Variants in FAM120B observed in about 807,000 individuals in gnomAD.
FAM120B encodes family with sequence similarity 120 member B.
Under a neutral mutation model 96.3 loss-of-function variants are expected in FAM120B, and 83 were observed. That is an observed-to-expected ratio of 0.86 (90% CI 0.72 to 1.03). The LOEUF is 1.03. FAM120B is among the 50% of genes least tolerant of loss of function. FAM120B has a pLI of 0.00. For synonymous variants in FAM120B, 407 were observed against 402.7 expected, an observed-to-expected ratio of 1.01 and a Z score of -0.13; for missense variants, 1,027 against 1,121.2, an observed-to-expected ratio of 0.92 and a Z score of 1.20.
At chr6:170,325,981 G>A (rs551591165) in intron 3 of FAM120B, among the ~76,000 whole-genome samples, 55 of 151,892 alleles carry the variant, frequency 3.6e-4, no homozygotes, top group African/African-American at 1.2e-3. Flanking sequence ...TATGTTACTA[G>A]CAATGTAAAA....
chr6:170,323,418 G>A (rs1008081531), intron 3 of FAM120B, among the ~76,000 whole-genome samples, 159 bp downstream of exon 3: 1 of 152,198 alleles, frequency 6.6e-6, no homozygotes, highest in African/African-American at 2.4e-5. Context: ...ACTGACATCT[G>A]TAAAAAATTA....
At chr6:170,328,258 CTTTTAATTT>C (rs2115056915) in intron 3 of FAM120B, among the ~76,000 whole-genome samples, 1 of 152,190 alleles carries the variant, frequency 6.6e-6, no homozygotes, top group African/African-American at 2.4e-5. Flanking sequence ...ACTTTAGAAA[CTTTTAATTT>C]TTTTAAACTT....
At chr6:170,294,190 C>T (rs927010369), upstream of FAM120B, among the ~76,000 whole-genome samples, 5 of 152,264 alleles carry the variant, frequency 3.3e-5, no homozygotes, top group Admixed American at 1.3e-4. This position sits in a 1 kb window ranked among gnomAD's most constrained non-coding sequence, Gnocchi z 7.9. Flanking sequence ...CCCCGGCTGC[C>T]GGAGTCCCTC....
At chr6:170,362,744 C>G (rs982892461) in intron 6 of FAM120B, among the ~76,000 whole-genome samples, 2 of 149,890 alleles carry the variant, frequency 1.3e-5, no homozygotes, top group African/African-American at 2.5e-5. Context: ...TACAGTGGTA[C>G]AATCTTGTCT....
At chr6:170,335,215 A>G (rs1197555541) in intron 4 of FAM120B, among the ~76,000 whole-genome samples, 1 of 146,228 alleles carries the variant, frequency 6.8e-6, no homozygotes, top group Non-Finnish European at 1.5e-5. Context: ...CTTGCCCCCA[A>G]CCCCCCAACA....
At chr6:170,312,469 G>A (rs967007876) in intron 1 of FAM120B, among the ~76,000 whole-genome samples, 1 of 152,082 alleles carries the variant, frequency 6.6e-6, no homozygotes, top group Non-Finnish European at 1.5e-5. Flanking sequence ...AAATAAAATT[G>A]TACCACAATT....
intron 5 of FAM120B, among the ~76,000 whole-genome samples, chr6:170,356,879 A>G (rs1787988172): frequency 6.6e-6 from 1 of 152,164 alleles, no homozygotes. Flanking sequence ...AAATGCATAT[A>G]TTTTATATTC....
chr6:170,291,528 C>A (rs1211799512), upstream of FAM120B, among the ~76,000 whole-genome samples: 1 of 149,622 alleles, frequency 6.7e-6, no homozygotes, highest in Admixed American at 6.6e-5. Context: ...CTCTTGGGGG[C>A]GGAGGCGGGG....
chr6:170,320,354 T>C (rs1385351028), intron 2 of FAM120B, among the ~76,000 whole-genome samples: 1 of 152,120 alleles, frequency 6.6e-6, no homozygotes, highest in Admixed American at 6.5e-5. Context: ...GGTATATCGA[T>C]ATGATCAGAT....
chr6:170,342,791 C>A (rs1265549176), intron 4 of FAM120B, among the ~76,000 whole-genome samples: 1 of 152,162 alleles, frequency 6.6e-6, no homozygotes, highest in African/African-American at 2.4e-5. Context: ...GACCTGGGGA[C>A]CAGATTGCTT....
At position 170,395,574 on chromosome 6, in the gene FAM120B, G is replaced by A; in HGVS notation, c.2687G>A (p.Gly896Glu). The A allele has an allele frequency of 6.3e-7, 1 of 1,589,562 alleles. No individual in the cohort carries two copies. Among genetic ancestry groups the A allele is most frequent in the South Asian group, 1.2e-5 (1 of 86,944 alleles). The change falls in exon 9 of 11, where the codon GGA becomes GAA. Residue 896 changes from glycine to glutamate, a missense_variant. Gly to Glu is a moderately conservative substitution (Grantham distance 98). Coordinates refer to ENST00000476287, the MANE Select transcript of FAM120B (RefSeq NM_032448.3). The stretch of plus-strand genomic sequence containing the variant: ...CAGGGACAGCCGTGGAGAGACCAGG[G>A]ACCAGGTAAGAAGGCCAGTGGTCAC... ...SSQGQPWRDQ[G>E]PGSRQYEHDQ...
chr6:170,344,796 C>T (rs1293604279), intron 4 of FAM120B, among the ~76,000 whole-genome samples: 2 of 152,230 alleles, frequency 1.3e-5, no homozygotes, highest in African/African-American at 4.8e-5. Context: ...TCCTGCATAG[C>T]AGACTTGATG....
At chr6:170,314,008 G>C (rs182142899) in intron 1 of FAM120B, among the ~76,000 whole-genome samples, 1 of 152,340 alleles carries the variant, frequency 6.6e-6, no homozygotes, top group East Asian at 1.9e-4. Flanking sequence ...TGTTTATGCT[G>C]AGCGCATTGC....
intron 4 of FAM120B, among the ~76,000 whole-genome samples, chr6:170,342,011 C>T (rs186355229): frequency 5.9e-5 from 9 of 152,238 alleles, no homozygotes; most frequent in African/African-American, 1.4e-4. Flanking sequence ...CACAATAGGC[C>T]GTCTGCAGGC....
chr6:170,378,334 A>G (rs1789698922), intron 6 of FAM120B, among the ~76,000 whole-genome samples: 2 of 152,146 alleles, frequency 1.3e-5, no homozygotes, highest in Admixed American at 1.3e-4. Context: ...TGAGAGCCCA[A>G]GGCTTTTGAT....
At chr6:170,398,357 G>C (rs566248814) in intron 9 of FAM120B, among the ~76,000 whole-genome samples, 253 of 152,350 alleles carry the variant, frequency 1.7e-3, no homozygotes, top group African/African-American at 5.9e-3. Context: ...GAGTGAGTGG[G>C]AAAGGTAGAA....
At chr6:170,353,417 T>G (rs545824077) in intron 5 of FAM120B, among the ~76,000 whole-genome samples, 3 of 152,342 alleles carry the variant, frequency 2.0e-5, no homozygotes, top group African/African-American at 7.2e-5. Flanking sequence ...AGCATCATCC[T>G]GATACCAAAA....
At chr6:170,310,477 A>C (rs1267741391) in intron 1 of FAM120B, among the ~76,000 whole-genome samples, 2 of 152,194 alleles carry the variant, frequency 1.3e-5, no homozygotes, top group African/African-American at 4.8e-5. Flanking sequence ...GTGCTAAGTG[A>C]GGGTTGTGGC....
intron 4 of FAM120B, among the ~76,000 whole-genome samples, chr6:170,332,212 G>A (rs564490470): frequency 1.3e-5 from 2 of 152,250 alleles, no homozygotes; most frequent in South Asian, 4.2e-4. Context: ...TATTTCAATG[G>A]GTGACTCCTT....
Sources: gnomAD v4.1 joint callset for allele counts (sites outside exome capture counted in the v4.1 genomes callset) on GRCh38, gnomAD v4.1.1 for gene constraint, Gnocchi (gnomAD v3.1) non-coding constraint, MANE v1.5 for transcripts, NCBI Gene and HGNC (gene_info 2026-07-23, HGNC 2026-07-21) for gene names.